PPARGC1B: variants seen among roughly 807,000 people sequenced by gnomAD.
PPARGC1B encodes the protein peroxisome proliferator-activated receptor gamma coactivator 1-beta.
A neutral mutation model predicts 101.6 loss-of-function variants in PPARGC1B; 34 were observed. The ratio of observed to expected loss-of-function variants is 0.33; its 90% CI spans 0.25 to 0.45. The LOEUF is 0.45. Among genes scored for constraint, PPARGC1B ranks in the 20% least tolerant of loss-of-function variants. The pLI is 1.00. For synonymous variants in PPARGC1B, 548 were observed against 539.3 expected, an observed-to-expected ratio of 1.02 and a Z score of -0.22; for missense variants, 1,234 against 1,317.6, an observed-to-expected ratio of 0.94 and a Z score of 0.98.
chr5:149,842,899 G>A (rs987565044), intron 10 of PPARGC1B, among the ~76,000 whole-genome samples: 3 of 152,122 alleles, frequency 2.0e-5, no homozygotes, highest in Admixed American at 6.5e-5. Context: ...TGGGTATGGC[G>A]GCTCACACTT....
intron 1 of PPARGC1B, among the ~76,000 whole-genome samples, chr5:149,768,323 G>A (rs1755993583): frequency 6.6e-6 from 1 of 152,154 alleles, no homozygotes; most frequent in Admixed American, 6.5e-5. Flanking sequence ...CAGCCAGGCT[G>A]GAGTATAGTG....
At chr5:149,765,356 C>T (rs769938335) in intron 1 of PPARGC1B, among the ~76,000 whole-genome samples, 1 of 152,234 alleles carries the variant, frequency 6.6e-6, no homozygotes, top group Admixed American at 6.5e-5. Context: ...GAGCTCAGGC[C>T]TAGCCCGATG....
At position 149,837,025 on chromosome 5, in the gene PPARGC1B, G is replaced by A; in HGVS notation, c.2570G>A (p.Gly857Asp). Reference sequence around the variant, plus strand: ...TGTTCCCGCAGCCGCTCAAGCTCTGGCTCTTCACCCTGCCACTCCTGGTCA... The same window carrying A: ...TGTTCCCGCAGCCGCTCAAGCTCTGACTCTTCACCCTGCCACTCCTGGTCA... ...QLCSRSRSSS[G>D]SSPCHSWSPA... Residue 857 changes from glycine (G) to aspartate (D), a missense_variant, in exon 8 of 12, where the codon GGC becomes GAC. Gly to Asp is a moderately conservative substitution (Grantham distance 94). Around this residue, in one of 3 missense-constraint regions of PPARGC1B, gnomAD observed 497 missense variants for 529.5 expected, o/e 0.94. Transcript: ENST00000309241. This position sits in a 1 kb window ranked among gnomAD's most constrained non-coding sequence, Gnocchi z 4.2. The A allele has an allele frequency of 6.2e-7, 1 of 1,613,612 alleles. No individual in the cohort carries two copies. The highest frequency in any genetic ancestry group is 8.5e-7 in the Non-Finnish European group (1 of 1,179,982).
chr5:149,817,620 C>A, intron 1 of PPARGC1B: 1 of 417,292 alleles, frequency 2.4e-6, no homozygotes, highest in South Asian at 1.7e-5. Context: ...AAGATGTCAA[C>A]TCACGGAGGA....
chr5:149,783,017 T>C (rs1756648466), intron 1 of PPARGC1B, among the ~76,000 whole-genome samples: 2 of 152,052 alleles, frequency 1.3e-5, no homozygotes, highest in African/African-American at 4.8e-5. Flanking sequence ...GCAGGGTGCT[T>C]ATGGTAGAGG....
At chr5:149,750,489 T>TATATATATATATATATATATA (rs1237110085) in intron 1 of PPARGC1B, among the ~76,000 whole-genome samples, 1 of 132,118 alleles carries the variant, frequency 7.6e-6, no homozygotes, top group Non-Finnish European at 1.6e-5. Context: ...TATATATATA[T>TATATATATATATATATATATA]GTTAATAGGG....
At chr5:149,855,161 AC>A (rs1443285243), downstream of PPARGC1B, 1 of 151,972 alleles carries the variant, frequency 6.6e-6, no homozygotes, top group African/African-American at 2.4e-5. Context: ...TCCTCACCTC[AC>A]CACACTTCTC....
intron 1 of PPARGC1B, among the ~76,000 whole-genome samples, chr5:149,786,121 C>T (rs1051152433): frequency 1.3e-5 from 2 of 151,752 alleles, no homozygotes; most frequent in Admixed American, 1.3e-4. Flanking sequence ...GAGATGGAGT[C>T]TTGCTCTGTT....
At position 149,775,643 on chromosome 5, in the gene PPARGC1B, A is replaced by C. The variant is rs146012195; in HGVS notation, c.79-44790A>C. 1.9e-3 allele frequency among the ~76,000 whole-genome samples: 289 copies of C among 152,266 alleles called. 1 individual carries two copies. Among genetic ancestry groups the C allele is most frequent in the African/African-American group, 6.8e-3 (282 of 41,552 alleles). ...TGACACTTGAGATAAACATTTTCTG[A>C]GAGACCTAGAAAGGCATGCTGAGTC... On this transcript the variant is annotated intron_variant, in intron 1 of 11. Transcript: ENST00000309241.
In PPARGC1B at chr5:149,730,962, A is replaced by G. The variant is rs918188740; in HGVS notation, c.78+542A>G. ...CGGAGTTTCCTGCCAGTTGCCGGCTAAAGGCATAAGGGTCTGCGGGGCACG... is the reference window on the plus strand; with the variant it reads ...CGGAGTTTCCTGCCAGTTGCCGGCTGAAGGCATAAGGGTCTGCGGGGCACG... On this transcript the variant is annotated intron_variant, in intron 1 of 11. Coordinates refer to ENST00000309241, the MANE Select transcript of PPARGC1B (RefSeq NM_133263.4). The surrounding 1 kb of genome is among the most constrained non-coding windows in gnomAD (Gnocchi z 4.0). Among the ~76,000 whole-genome samples the G allele has an allele frequency of 6.6e-6, 1 of 152,232 alleles. No individual in the cohort carries two copies.
chr5:149,751,805 C>G lies in PPARGC1B; in HGVS notation c.78+21385C>G, dbSNP rs41444645. Among the ~76,000 whole-genome samples the G allele has an allele frequency of 8.4e-3, 1,279 of 152,238 alleles. 46 individuals are homozygous for G. The highest frequency in any genetic ancestry group is 0.066 in the East Asian group (342 of 5,180). On this transcript the variant is annotated intron_variant, in intron 1 of 11. Coordinates refer to ENST00000309241, the MANE Select transcript of PPARGC1B (RefSeq NM_133263.4). Reference sequence around the variant, plus strand: ...AATAAAGGTAACATTGTAGGTTTCACTTCTCCCCAAGCTTCTCTCCTTGGG... The same window carrying G: ...AATAAAGGTAACATTGTAGGTTTCAGTTCTCCCCAAGCTTCTCTCCTTGGG...
chr5:149,738,906 T>G (rs1170918931), intron 1 of PPARGC1B, among the ~76,000 whole-genome samples: 1 of 152,214 alleles, frequency 6.6e-6, no homozygotes, highest in Non-Finnish European at 1.5e-5. Context: ...CTAGAAAGCC[T>G]TTGAAGCTAA....
chr5:149,732,386 T>A (rs2113052304), intron 1 of PPARGC1B, among the ~76,000 whole-genome samples: 1 of 152,340 alleles, frequency 6.6e-6, no homozygotes, highest in East Asian at 1.9e-4. Flanking sequence ...CAGGGACCCA[T>A]GTCAAGAACT....
At chr5:149,824,753 A>C (rs1303021167) in intron 2 of PPARGC1B, among the ~76,000 whole-genome samples, 1 of 152,170 alleles carries the variant, frequency 6.6e-6, no homozygotes, top group Non-Finnish European at 1.5e-5. Flanking sequence ...GCCCGCTTGC[A>C]TTCTAAAGCC....
At chr5:149,856,587 G>A (rs567981869), downstream of PPARGC1B, among the ~76,000 whole-genome samples, 1 of 152,242 alleles carries the variant, frequency 6.6e-6, no homozygotes, top group African/African-American at 2.4e-5. Flanking sequence ...TGTGAATTGG[G>A]CAGACCACCT....
chr5:149,776,613 AGTTG>A (rs1756369238), intron 1 of PPARGC1B, among the ~76,000 whole-genome samples: 1 of 152,146 alleles, frequency 6.6e-6, no homozygotes, highest in Non-Finnish European at 1.5e-5. Flanking sequence ...GTTTGATGAG[AGTTG>A]GGTGGGTCGT....
chr5:149,821,079 CG>C (rs1295455850), intron 2 of PPARGC1B, among the ~76,000 whole-genome samples: 1 of 152,196 alleles, frequency 6.6e-6, no homozygotes, highest in Non-Finnish European at 1.5e-5. Context: ...CCTCCAGAGC[CG>C]GGACTTTACG....
At chr5:149,798,236 C>T (rs1298739738) in intron 1 of PPARGC1B, among the ~76,000 whole-genome samples, 1 of 152,208 alleles carries the variant, frequency 6.6e-6, no homozygotes, top group Non-Finnish European at 1.5e-5. Flanking sequence ...TCAGCTAAAC[C>T]TACAACTGAT....
chr5:149,853,440 G>A lies in PPARGC1B; in HGVS notation c.*5882G>A, dbSNP rs186202223. 8 of 152,376 alleles carry A rather than the reference G, an allele frequency of 5.3e-5. No homozygotes were observed. The highest frequency in any genetic ancestry group is 1.4e-4 in the African/African-American group (6 of 41,568). The allele number at this position is 152,376 out of a possible 1,614,324, so 9.4% of individuals were successfully genotyped here. On this transcript the variant is annotated 3_prime_UTR_variant, in exon 12 of 12. Transcript: ENST00000309241. This position sits in a 1 kb window ranked among gnomAD's most constrained non-coding sequence, Gnocchi z 4.2. ...TGTCCTGTGGGCAGAAGAGACAGGA[G>A]TGGACCAGGAGAGGTCCAGGTGCCC... is the stretch of plus-strand genomic sequence containing the variant.
Sources: gnomAD v4.1 joint callset for allele counts (sites outside exome capture counted in the v4.1 genomes callset) on GRCh38, gnomAD v4.1.1 for gene constraint, gnomAD v4.1.1 regional missense constraint, Gnocchi (gnomAD v3.1) non-coding constraint, MANE v1.5 for transcripts, NCBI Gene and HGNC (gene_info 2026-07-23, HGNC 2026-07-21) for gene names.